TMEM44: variants seen among roughly 807,000 people sequenced by gnomAD.
TMEM44 encodes the protein transmembrane protein 44.
TMEM44 carries 43 observed loss-of-function variants against 47.8 expected under a neutral mutation model. The observed-to-expected ratio is 0.90, with a 90% CI of 0.70 to 1.16. TMEM44 has a LOEUF of 1.16. Ranked by LOEUF, TMEM44 falls within the 50% of genes most tolerant of loss-of-function variation. TMEM44 has a pLI of 0.00. For missense variants in TMEM44, 568 were observed against 555.2 expected, an observed-to-expected ratio of 1.02 and a Z score of -0.23; for synonymous variants, 277 against 238.8, an observed-to-expected ratio of 1.16 and a Z score of -1.48.
intron 8 of TMEM44, 119 bp from the exon 9 acceptor site, chr3:194,604,564 T>C (rs1420385078): frequency 1.2e-5 from 16 of 1,309,590 alleles, no homozygotes; most frequent in Non-Finnish European, 1.6e-5. Flanking sequence ...CAGGGCAGCA[T>C]CTACCTGTGC....
chr3:194,627,142 C>T (rs1267896071), intron 2 of TMEM44, among the ~76,000 whole-genome samples: 1 of 152,196 alleles, frequency 6.6e-6, no homozygotes, highest in Non-Finnish European at 1.5e-5. Context: ...GGCAATCTGC[C>T]CGCCTTAGCC....
chr3:194,626,840 C>T (rs1705978), intron 2 of TMEM44, among the ~76,000 whole-genome samples: 119,114 of 150,306 alleles, frequency 0.79, 47,453 homozygotes, highest in East Asian at 0.97. Flanking sequence ...CCTGCCACCA[C>T]GCCCGGCTAA....
At chr3:194,629,470 C>T (rs1717533145) in intron 1 of TMEM44, among the ~76,000 whole-genome samples, 1 of 152,262 alleles carries the variant, frequency 6.6e-6, no homozygotes, top group African/African-American at 2.4e-5. Context: ...CTGTTTCTAT[C>T]AGCGTCACTG....
rs774536629 is a variant in TMEM44 at position 194,615,590 on chromosome 3, C to G, written c.891G>C (p.Glu297Asp). The G allele has an allele frequency of 6.2e-7, 1 of 1,614,170 alleles. No individual in the cohort carries two copies. Among genetic ancestry groups the G allele is most frequent in the East Asian group, 2.2e-5 (1 of 44,880 alleles). The change falls in exon 7 of 10, where the codon GAG becomes GAC. Residue 297 changes from glutamate to aspartate, a missense_variant. Coordinates refer to ENST00000347147, the MANE Select transcript of TMEM44 (RefSeq NM_001011655.3). ...TCACCTCCTGGTTTTCTTCCTCTTT[C>G]TCTGCACAGGTCAAAAGGGCTTGGG... ...PDTQALLTCAEKEEENQENLD... is the reference protein window; with the variant it reads ...PDTQALLTCADKEEENQENLD...
At chr3:194,613,273 G>A (rs891298974) in intron 7 of TMEM44, among the ~76,000 whole-genome samples, 1 of 151,902 alleles carries the variant, frequency 6.6e-6, no homozygotes, top group Non-Finnish European at 1.5e-5. Flanking sequence ...CGCCTCCTGG[G>A]TTCAAGTGAT....
intron 9 of TMEM44, chr3:194,590,127 AG>A (rs1192084783): frequency 3.3e-5 from 5 of 152,246 alleles, no homozygotes; most frequent in Non-Finnish European, 5.9e-5. Flanking sequence ...CAATCCTTAG[AG>A]GTTCCAGCGA....
At chr3:194,620,926 C>G (rs1156864167) in intron 5 of TMEM44, among the ~76,000 whole-genome samples, 1 of 151,318 alleles carries the variant, frequency 6.6e-6, no homozygotes, top group East Asian at 1.9e-4. Context: ...ACTTGGGAGG[C>G]TGAGGCACAG....
At chr3:194,590,968 C>T (rs368765249) in intron 9 of TMEM44, among the ~76,000 whole-genome samples, 89 of 151,702 alleles carry the variant, frequency 5.9e-4, no homozygotes, top group East Asian at 3.9e-4. Context: ...CTGAGGCGGG[C>T]AGATCACCTA....
intron 1 of TMEM44, 97 bp downstream of exon 1, chr3:194,632,982 C>T (rs1276708737): frequency 1.4e-6 from 2 of 1,475,632 alleles, no homozygotes; most frequent in African/African-American, 2.9e-5. Flanking sequence ...TCCTTCATCC[C>T]CCTTTCCGCC....
intron 9 of TMEM44, chr3:194,589,114 TTCAGCCTCCC>T (rs1560150788): frequency 6.1e-6 from 1 of 162,654 alleles, no homozygotes. Flanking sequence ...ATCCTCCTGC[TTCAGCCTCCC>T]GAGTAGCTGG....
At chr3:194,594,149 A>ATCTGTCTG (rs1184806177) in intron 9 of TMEM44, among the ~76,000 whole-genome samples, 5 of 98,672 alleles carry the variant, frequency 5.1e-5, no homozygotes, top group Admixed American at 1.0e-4. Flanking sequence ...CTATCTATCT[A>ATCTGTCTG]TCTATCTATC....
intron 9 of TMEM44, among the ~76,000 whole-genome samples, chr3:194,590,677 G>A (rs1712555693): frequency 6.6e-6 from 1 of 152,162 alleles, no homozygotes; most frequent in Admixed American, 6.5e-5. Context: ...CCAGGCTGCT[G>A]GCTAAAAACA....
intron 9 of TMEM44, among the ~76,000 whole-genome samples, chr3:194,602,176 G>C (rs1714209414): frequency 6.6e-6 from 1 of 152,356 alleles, no homozygotes. Flanking sequence ...AAAGGATGCA[G>C]AGTCCCTAAC....
At chr3:194,612,816 C>T (rs1469469690) in intron 7 of TMEM44, among the ~76,000 whole-genome samples, 2 of 152,124 alleles carry the variant, frequency 1.3e-5, no homozygotes, top group African/African-American at 2.4e-5. Flanking sequence ...AGGCACCCGC[C>T]ACCGCGCCCA....
intron 9 of TMEM44, among the ~76,000 whole-genome samples, chr3:194,603,914 C>T (rs1413195561): frequency 1.4e-4 from 21 of 151,982 alleles, no homozygotes; most frequent in East Asian, 5.8e-4. Flanking sequence ...AGTGCAATGG[C>T]GCAATCTCGG....
chr3:194,591,232 C>T (rs1005642042), intron 9 of TMEM44, among the ~76,000 whole-genome samples: 2 of 151,230 alleles, frequency 1.3e-5, no homozygotes, highest in Non-Finnish European at 2.9e-5. Context: ...GTGGCTCACG[C>T]CTGTAATCCC....
chr3:194,626,793 C>T (rs1717232870), intron 2 of TMEM44, among the ~76,000 whole-genome samples: 1 of 151,028 alleles, frequency 6.6e-6, no homozygotes, highest in Non-Finnish European at 1.5e-5. Flanking sequence ...ACGCCATTCT[C>T]CTGCCTCAGC....
intron 7 of TMEM44, 114 bp downstream of exon 7, chr3:194,615,455 G>T: frequency 2.1e-6 from 3 of 1,440,772 alleles, no homozygotes; most frequent in Non-Finnish European, 1.9e-6. Context: ...CGCCTGCAGA[G>T]AACACTCGGC....
chr3:194,614,463 G>A (rs1715667559), intron 7 of TMEM44, among the ~76,000 whole-genome samples: 2 of 152,212 alleles, frequency 1.3e-5, no homozygotes, highest in Non-Finnish European at 1.5e-5. Flanking sequence ...GTAGTGCGGT[G>A]GCGCCATCTT....
Sources: gnomAD v4.1 joint callset for allele counts (sites outside exome capture counted in the v4.1 genomes callset) on GRCh38, gnomAD v4.1.1 for gene constraint, MANE v1.5 for transcripts, NCBI Gene and HGNC (gene_info 2026-07-23, HGNC 2026-07-21) for gene names.